The following RGS10 variants were observed in gnomAD, a reference collection of about 807,000 sequenced individuals.
RGS10 encodes the protein regulator of G protein signaling 10.
In RGS10, 11 loss-of-function variants were observed where a neutral mutation model predicts 23.5. The ratio of observed to expected loss-of-function variants is 0.47; its 90% CI spans 0.29 to 0.77. The LOEUF (loss-of-function observed/expected upper bound fraction) is 0.77, where lower values mean the gene tolerates loss of function less well. Among genes scored for constraint, RGS10 ranks in the 30% least tolerant of loss-of-function variants. The pLI, the probability that RGS10 is intolerant of heterozygous loss-of-function variation, is 0.08. For missense variants in RGS10, 180 were observed against 226.3 expected (o/e 0.80, Z 1.31); for synonymous variants, 77 against 83.2 (o/e 0.92, Z 0.41).
At position 119,536,530 on chromosome 10, in the gene RGS10, C is replaced by T. The variant is rs2133961435; in HGVS notation, c.49+6060G>A. 5 of 1,601,538 alleles carry T rather than the reference C, an allele frequency of 3.1e-6. No individual in the cohort carries two copies. The South Asian group carries it at 3.4e-5, about 11-fold the overall frequency. On this transcript the variant is annotated intron_variant, in intron 1 of 4. Coordinates refer to ENST00000369103, the MANE Select transcript of RGS10 (RefSeq NM_001005339.2). ...CAACAATCCACTGCCTTCCCAGAGA[C>T]GCCTTGTGTGAGAAAGGCAGAGACT... is the stretch of plus-strand genomic sequence containing the variant.
At chr10:119,502,140 A>C (rs925025416) in intron 4 of RGS10, among the ~76,000 whole-genome samples, 3 of 151,486 alleles carry the variant, frequency 2.0e-5, no homozygotes, top group Non-Finnish European at 2.9e-5. Flanking sequence ...ACAGAAAAAA[A>C]AAACAAACTT....
intron 4 of RGS10, 24 bp downstream of exon 4, chr10:119,515,485 G>T (rs377084765): frequency 6.2e-7 from 1 of 1,613,506 alleles, no homozygotes; most frequent in Non-Finnish European, 8.5e-7. Context: ...TCAAATCAAG[G>T]TGCAGGCAGG....
At chr10:119,523,007 A>ATTT (rs10707569) in intron 3 of RGS10, among the ~76,000 whole-genome samples, 1 of 142,386 alleles carries the variant, frequency 7.0e-6, no homozygotes, top group Non-Finnish European at 1.5e-5. Context: ...TGTCTAGCTA[A>ATTT]TTTTTTTTTT....
In RGS10 at chr10:119,527,163, G is replaced by C; in HGVS notation, c.168+143C>G. ...GATGAGAAAGTCTCACCCTCAAGCT[G>C]GGATAGACAGTACTGAACTCTCAAG... On this transcript the variant is annotated intron_variant, in intron 2 of 4. Coordinates refer to ENST00000369103, the MANE Select transcript of RGS10 (RefSeq NM_001005339.2). The surrounding 1 kb of genome is among the most constrained non-coding windows in gnomAD (Gnocchi z 4.2). 1 of 606,734 alleles carries C rather than the reference G, an allele frequency of 1.6e-6. No homozygotes were observed. Among genetic ancestry groups the C allele is most frequent in the Non-Finnish European group, 2.9e-6 (1 of 340,904 alleles). 37.6% of individuals were successfully genotyped at this position (606,734 alleles called of 1,614,324 possible).
chr10:119,507,293 C>T (rs894795843), intron 4 of RGS10, among the ~76,000 whole-genome samples: 1 of 152,162 alleles, frequency 6.6e-6, no homozygotes, highest in African/African-American at 2.4e-5. Context: ...GAGAGGGGAC[C>T]ATGGTCATGC....
At chr10:119,518,088 G>A (rs1844167171) in intron 3 of RGS10, among the ~76,000 whole-genome samples, 1 of 152,220 alleles carries the variant, frequency 6.6e-6, no homozygotes, top group Non-Finnish European at 1.5e-5. Context: ...AACAGTCTGT[G>A]GAGCTATTTT....
At position 119,536,577 on chromosome 10, in the gene RGS10, G is replaced by T. The variant is rs1844391490; in HGVS notation, c.49+6013C>A. On this transcript the variant is annotated intron_variant, in intron 1 of 4. Transcript: ENST00000369103. ...GACTGGAGGGCTCCCGAGCACCCTT[G>T]GGTCCGAAGAAAAAACAAGCCTCAA... is the stretch of plus-strand genomic sequence containing the variant. 6.8e-6 allele frequency: 10 copies of T among 1,464,050 alleles called. No homozygotes were observed. The Admixed American group carries it at 2.3e-4, about 33-fold the overall frequency. The allele number at this position is 1,464,050 out of a possible 1,614,324, so 90.7% of individuals were successfully genotyped here.
chr10:119,504,912 G>A (rs962010546), intron 4 of RGS10, among the ~76,000 whole-genome samples: 3 of 152,208 alleles, frequency 2.0e-5, no homozygotes, highest in African/African-American at 2.4e-5. Context: ...TTTTCAATCC[G>A]TTTCTGCTGA....
intron 1 of RGS10, among the ~76,000 whole-genome samples, chr10:119,541,773 C>A (rs1168768055): frequency 6.6e-6 from 1 of 152,214 alleles, no homozygotes; most frequent in Non-Finnish European, 1.5e-5. Flanking sequence ...CAGCGCCTGG[C>A]TTCCGCTCCC....
At chr10:119,515,781 G>A (rs1844135656) in intron 3 of RGS10, 129 bp from the exon 4 acceptor site, 1 of 1,054,366 alleles carries the variant, frequency 9.5e-7, no homozygotes, top group Non-Finnish European at 1.4e-6. Context: ...ACAGCCCAGG[G>A]GCTCTCAGGC....
In RGS10 at chr10:119,527,259, T is replaced by G; in HGVS notation, c.168+47A>C. The stretch of plus-strand genomic sequence containing the variant: ...ATTTCTCCCCTGTGTGCATCTGAAC[T>G]TCTGCACACACTGCATCCATCCCGA... On this transcript the variant is annotated intron_variant, in intron 2 of 4. Transcript: ENST00000369103. This position sits in a 1 kb window ranked among gnomAD's most constrained non-coding sequence, Gnocchi z 4.2. 7.1e-7 allele frequency: 1 copy of G among 1,398,636 alleles called. No individual in the cohort carries two copies. The highest frequency in any genetic ancestry group is 1.0e-6 in the Non-Finnish European group (1 of 989,456). The allele number at this position is 1,398,636 out of a possible 1,614,324, so 86.6% of individuals were successfully genotyped here. A position where few individuals can be genotyped will look rare whatever the true frequency, so the allele number is the denominator to read the frequency against.
intron 4 of RGS10, among the ~76,000 whole-genome samples, chr10:119,507,533 TTC>T (rs1278744756): frequency 6.6e-6 from 1 of 151,082 alleles, no homozygotes; most frequent in Admixed American, 6.6e-5. Flanking sequence ...CATGGCTCCT[TTC>T]TCTGTCAAGG....
intron 3 of RGS10, 109 bp from the exon 4 acceptor site, chr10:119,515,761 G>A (rs1338544784): frequency 7.3e-7 from 1 of 1,363,846 alleles, no homozygotes; most frequent in East Asian, 2.4e-5. Flanking sequence ...GCAAGAGAAA[G>A]GCACCCCCCA....
rs1016391480 is a variant in RGS10, at chr10:119,518,626, G to C, written c.256-2974C>G. Among the ~76,000 whole-genome samples the C allele has an allele frequency of 3.3e-5, 5 of 151,654 alleles. No homozygotes were observed. The East Asian group carries it at 9.7e-4, about 29-fold the overall frequency. ...CACACTGGCCCCGCCCTCCCCAATC[G>C]AACCTTCCCACTGGAAAATAAAAGA... On this transcript the variant is annotated intron_variant, in intron 3 of 4. Coordinates refer to ENST00000369103, the MANE Select transcript of RGS10 (RefSeq NM_001005339.2).
chr10:119,510,317 A>G (rs1844062981), intron 4 of RGS10, among the ~76,000 whole-genome samples: 2 of 152,000 alleles, frequency 1.3e-5, no homozygotes, highest in East Asian at 1.9e-4. Flanking sequence ...CATTCCTACA[A>G]TGCTGACCCC....
At chr10:119,530,619 G>T (rs1029710421) in intron 1 of RGS10, among the ~76,000 whole-genome samples, 1 of 152,234 alleles carries the variant, frequency 6.6e-6, no homozygotes, top group African/African-American at 2.4e-5. Context: ...AAGCTCAGGT[G>T]TTCGAGACCA....
rs573148933 is a variant in RGS10 at position 119,509,140 on chromosome 10, G to A, written c.399+6369C>T. ...AGGCAGGGCGCAGTGGTTCATGCCT[G>A]TAATCCCAGCACTTTGGGAGGCTGA... On this transcript the variant is annotated intron_variant, in intron 4 of 4. Transcript: ENST00000369103. Among the ~76,000 whole-genome samples the A allele has an allele frequency of 2.0e-4, 31 of 152,250 alleles. No individual in the cohort carries two copies. In the East Asian group the frequency reaches 4.1e-3, roughly 20 times the overall value.
At chr10:119,523,508 T>C (rs1446439535) in intron 3 of RGS10, among the ~76,000 whole-genome samples, 1 of 151,990 alleles carries the variant, frequency 6.6e-6, no homozygotes, top group Non-Finnish European at 1.5e-5. Context: ...CTATTCAAAA[T>C]ACAAAAATTA....
chr10:119,524,863 C>T lies in RGS10; in HGVS notation c.255+1169G>A, dbSNP rs957014545. 1.3e-5 allele frequency among the ~76,000 whole-genome samples: 2 copies of T among 152,140 alleles called. No homozygotes were observed. Among genetic ancestry groups the T allele is most frequent in the Non-Finnish European group, 2.9e-5 (2 of 68,030 alleles). ...GAGGAAGGTGGTGGAGAAAAGGCCGCGCTGCGCCATCCAGGAGGATGGGTG... is the reference window on the plus strand; with the variant it reads ...GAGGAAGGTGGTGGAGAAAAGGCCGTGCTGCGCCATCCAGGAGGATGGGTG... On this transcript the variant is annotated intron_variant, in intron 3 of 4. Transcript: ENST00000369103. This position sits in a 1 kb window ranked among gnomAD's most constrained non-coding sequence, Gnocchi z 5.2.
Sources: gnomAD v4.1 joint callset for allele counts (sites outside exome capture counted in the v4.1 genomes callset) on GRCh38, gnomAD v4.1.1 for gene constraint, Gnocchi (gnomAD v3.1) non-coding constraint, MANE v1.5 for transcripts, NCBI Gene and HGNC (gene_info 2026-07-23, HGNC 2026-07-21) for gene names.